Variants in OR11A1 observed in about 807,000 individuals in gnomAD.
OR11A1 encodes the protein olfactory receptor 11A1.
For missense variants in OR11A1, 380 were observed against 378.2 expected, an observed-to-expected ratio of 1.00 and a Z score of -0.04; for synonymous variants, 158 against 152.2, an observed-to-expected ratio of 1.04 and a Z score of -0.28.
intron 3 of OR11A1, among the ~76,000 whole-genome samples, 156 bp downstream of exon 3, chr6:29,430,145 T>C (rs1783137255): frequency 6.6e-6 from 1 of 152,236 alleles, no homozygotes; most frequent in African/African-American, 2.4e-5. Context: ...TACAAAAAGA[T>C]ATATTCTCAA....
At chr6:29,437,405 T>C (rs1783717405) in intron 1 of OR11A1, among the ~76,000 whole-genome samples, 1 of 152,216 alleles carries the variant, frequency 6.6e-6, no homozygotes, top group South Asian at 2.1e-4. Flanking sequence ...ATAACCACAA[T>C]ACTATTATTA....
chr6:29,430,854 G>A (rs1293600524), intron 2 of OR11A1, among the ~76,000 whole-genome samples: 1 of 152,166 alleles, frequency 6.6e-6, no homozygotes, highest in East Asian at 1.9e-4. Flanking sequence ...CACAGAAACA[G>A]TAGGATATAT....
chr6:29,438,651 C>T (rs1378311169), intron 1 of OR11A1, among the ~76,000 whole-genome samples: 1 of 152,168 alleles, frequency 6.6e-6, no homozygotes, highest in Non-Finnish European at 1.5e-5. Context: ...ACAGGTCATT[C>T]TGTATTTCTT....
chr6:29,430,924 T>G (rs1391793654), intron 2 of OR11A1, among the ~76,000 whole-genome samples: 1 of 152,188 alleles, frequency 6.6e-6, no homozygotes, highest in Non-Finnish European at 1.5e-5. Flanking sequence ...AGTTGATGAA[T>G]TTAGAGTTGA....
Position 29,440,818 on chromosome 6 carries a change from C to G in OR11A1, c.-388-8831G>C, listed in dbSNP as rs372631826. The G allele has an allele frequency of 1.9e-6, 3 of 1,614,036 alleles. No homozygotes were observed. The African/African-American group carries it at 4.0e-5, about 22-fold the overall frequency. On this transcript the variant is annotated intron_variant, in intron 1 of 4. Coordinates refer to ENST00000377149, the MANE Select transcript of OR11A1 (RefSeq NM_001394828.1). ...CGCCCTAAGGCCAGCTACGATCCGGCCACTGACCCTCTGGTGTCCCTCTTC... is the reference window on the plus strand; with the variant it reads ...CGCCCTAAGGCCAGCTACGATCCGGGCACTGACCCTCTGGTGTCCCTCTTC...
Position 29,425,826 on chromosome 6 carries a change from A to C in OR11A1, c.*868T>G, listed in dbSNP as rs934311607. 1 of 152,222 alleles carries C rather than the reference A, an allele frequency of 6.6e-6. No individual in the cohort carries two copies. Among genetic ancestry groups the C allele is most frequent in the African/African-American group, 2.4e-5 (1 of 41,462 alleles). The allele number at this position is 152,222 out of a possible 1,614,324, so 9.4% of individuals were successfully genotyped here. Reference sequence around the variant, plus strand: ...TTCAGCTTTAGATTTTTAAAAACACATATCCTTAGATCTTGCAATTTAGGT... The same window carrying C: ...TTCAGCTTTAGATTTTTAAAAACACCTATCCTTAGATCTTGCAATTTAGGT... On this transcript the variant is annotated 3_prime_UTR_variant, in exon 5 of 5. Coordinates refer to ENST00000377149, the MANE Select transcript of OR11A1 (RefSeq NM_001394828.1).
intron 1 of OR11A1, among the ~76,000 whole-genome samples, chr6:29,433,202 A>C (rs932550764): frequency 3.3e-5 from 5 of 152,230 alleles, no homozygotes; most frequent in Admixed American, 3.3e-4. Flanking sequence ...GAGAACACTC[A>C]GATCTACTCT....
At chr6:29,438,947 A>G (rs1019758430) in intron 1 of OR11A1, among the ~76,000 whole-genome samples, 3 of 152,244 alleles carry the variant, frequency 2.0e-5, no homozygotes. Flanking sequence ...CCCAGAGGAG[A>G]ATGAACCAAG....
intron 1 of OR11A1, among the ~76,000 whole-genome samples, chr6:29,432,943 GTTTA>G (rs1023180470): frequency 2.6e-5 from 4 of 151,914 alleles, no homozygotes; most frequent in African/African-American, 9.7e-5. Flanking sequence ...TCTCTTAATC[GTTTA>G]TTTTTTTCAT....
chr6:29,454,282 A>C (rs1178810995), intron 1 of OR11A1, among the ~76,000 whole-genome samples: 1 of 152,158 alleles, frequency 6.6e-6, no homozygotes. Flanking sequence ...TTCATGGACA[A>C]TATAGTCTTT....
chr6:29,449,295 G>A (rs1309127114), intron 1 of OR11A1, among the ~76,000 whole-genome samples: 1 of 152,108 alleles, frequency 6.6e-6, no homozygotes, highest in African/African-American at 2.4e-5. Context: ...GGGAGGAAGG[G>A]CAGGAGGTAT....
Position 29,426,550 on chromosome 6 carries a change from C to A in OR11A1, c.*144G>T. ...AAAATAAAAGTTAAAAAATTGTTGC[C>A]CTATCATTTTCATTTTTAGTATAAC... On this transcript the variant is annotated 3_prime_UTR_variant, in exon 5 of 5. Coordinates refer to ENST00000377149, the MANE Select transcript of OR11A1 (RefSeq NM_001394828.1). 1 of 610,848 alleles carries A rather than the reference C, an allele frequency of 1.6e-6. No individual in the cohort carries two copies. The highest frequency in any genetic ancestry group is 2.5e-5 in the South Asian group (1 of 39,882). The allele number at this position is 610,848 out of a possible 1,614,324, so 37.8% of individuals were successfully genotyped here.
intron 2 of OR11A1, among the ~76,000 whole-genome samples, chr6:29,431,120 T>A (rs1722681842): frequency 6.6e-6 from 1 of 152,092 alleles, no homozygotes; most frequent in Non-Finnish European, 1.5e-5. Flanking sequence ...TAACCCTCAT[T>A]CAACCCAGAC....
rs1420688601 is a variant in OR11A1 at position 29,441,077 on chromosome 6, C to G, written c.-388-9090G>C. 6 of 658,442 alleles carry G rather than the reference C, an allele frequency of 9.1e-6. No individual in the cohort carries two copies. The East Asian group carries it at 1.1e-4, about 12-fold the overall frequency. 40.8% of individuals were successfully genotyped at this position (658,442 alleles called of 1,614,324 possible). ...AGGGCCAGCCTGTCAGAAAGACAAACTTATCTTTGAAAAGCTACCGTAGTC... is the reference window on the plus strand; with the variant it reads ...AGGGCCAGCCTGTCAGAAAGACAAAGTTATCTTTGAAAAGCTACCGTAGTC... On this transcript the variant is annotated intron_variant, in intron 1 of 4. Coordinates refer to ENST00000377149, the MANE Select transcript of OR11A1 (RefSeq NM_001394828.1).
At chr6:29,454,846 T>C (rs1785862284) in intron 1 of OR11A1, among the ~76,000 whole-genome samples, 1 of 152,172 alleles carries the variant, frequency 6.6e-6, no homozygotes, top group African/African-American at 2.4e-5. Context: ...AGGAACCAGA[T>C]ATAGGTATAA....
Position 29,426,646 on chromosome 6 carries a change from C to A in OR11A1, c.*48G>T. 1 of 1,455,316 alleles carries A rather than the reference C, an allele frequency of 6.9e-7. No homozygotes were observed. The allele number at this position is 1,455,316 out of a possible 1,614,324, so 90.2% of individuals were successfully genotyped here. A position where few individuals can be genotyped will look rare whatever the true frequency, so the allele number is the denominator to read the frequency against. ...CTCTCCAACCCATCCTGGAAGAGTC[C>A]CCAGTGGAGGTGTCCGAAGTCCAAA... On this transcript the variant is annotated 3_prime_UTR_variant, in exon 5 of 5. Transcript: ENST00000377149.
chr6:29,432,161 G>A (rs1391767604), intron 1 of OR11A1, 174 bp from the exon 2 acceptor site: 1 of 216,604 alleles, frequency 4.6e-6, no homozygotes. Flanking sequence ...AAAGGGAGAG[G>A]CCCCTGAGAA....
Position 29,444,428 on chromosome 6 carries a change from G to A in OR11A1, c.-388-12441C>T, listed in dbSNP as rs368586902. Reference sequence around the variant, plus strand: ...AGACATGGGTTGTGATCTCTACTCCGTTACTAAAACTTTACAGGACCTAGA... The same window carrying A: ...AGACATGGGTTGTGATCTCTACTCCATTACTAAAACTTTACAGGACCTAGA... On this transcript the variant is annotated intron_variant, in intron 1 of 4. Transcript: ENST00000377149. 1.1e-3 allele frequency among the ~76,000 whole-genome samples: 165 copies of A among 152,256 alleles called. 1 individual carries two copies. Among genetic ancestry groups the A allele is most frequent in the African/African-American group, 3.2e-3 (134 of 41,550 alleles).
intron 1 of OR11A1, among the ~76,000 whole-genome samples, chr6:29,456,276 A>T (rs2151416220): frequency 6.6e-6 from 1 of 150,968 alleles, no homozygotes; most frequent in South Asian, 2.1e-4. Flanking sequence ...TAATCCCAGC[A>T]CTTTGGGAGG....
Sources: gnomAD v4.1 joint callset for allele counts (sites outside exome capture counted in the v4.1 genomes callset) on GRCh38, gnomAD v4.1.1 for gene constraint, MANE v1.5 for transcripts, NCBI Gene and HGNC (gene_info 2026-07-23, HGNC 2026-07-21) for gene names.